Variants in GRM5 observed in about 807,000 individuals in gnomAD.
GRM5 encodes metabotropic glutamate receptor 5.
In GRM5, 19 loss-of-function variants were observed where a neutral mutation model predicts 83.1. That is an observed-to-expected ratio of 0.23 (90% confidence interval 0.16 to 0.34). The LOEUF is 0.34. Ranked by LOEUF, GRM5 falls within the 10% of genes least tolerant of loss-of-function variation. The probability of loss-of-function intolerance (pLI) is 1.00; values close to 1 mark genes in which losing one functional copy is unlikely to be tolerated. For synonymous variants in GRM5, 675 were observed against 633.6 expected, an observed-to-expected ratio of 1.07 and a Z score of -0.98; for missense variants, 1,160 against 1,588.3, an observed-to-expected ratio of 0.73 and a Z score of 4.58.
At chr11:88,902,693 C>T (rs1236393882) in intron 2 of GRM5, among the ~76,000 whole-genome samples, 2 of 151,982 alleles carry the variant, frequency 1.3e-5, no homozygotes, top group Non-Finnish European at 2.9e-5. Flanking sequence ...CAGTAGTTCA[C>T]GCCTGTAATC....
intron 3 of GRM5, among the ~76,000 whole-genome samples, chr11:88,755,009 T>C (rs1021823340): frequency 6.6e-6 from 1 of 152,162 alleles, no homozygotes. Context: ...CAGAGATATA[T>C]AGTCCCCACT....
intron 2 of GRM5, among the ~76,000 whole-genome samples, chr11:89,034,654 G>A (rs1234180029): frequency 6.6e-6 from 1 of 151,666 alleles, no homozygotes; most frequent in Admixed American, 6.6e-5. Context: ...ATTTATTTGT[G>A]GTAGTATCAC....
At chr11:88,950,437 TTC>T (rs1268249624) in intron 2 of GRM5, among the ~76,000 whole-genome samples, 8 of 151,796 alleles carry the variant, frequency 5.3e-5, no homozygotes, top group Non-Finnish European at 1.2e-4. Flanking sequence ...ACCAATGGTA[TTC>T]TCTGGGAAAA....
At chr11:88,920,488 A>T (rs1263691512) in intron 2 of GRM5, among the ~76,000 whole-genome samples, 1 of 151,794 alleles carries the variant, frequency 6.6e-6, no homozygotes, top group Non-Finnish European at 1.5e-5. Context: ...CCAAACACTT[A>T]TGAGGAACTA....
At chr11:88,569,952 G>T (rs553142963) in intron 7 of GRM5, among the ~76,000 whole-genome samples, 1 of 152,098 alleles carries the variant, frequency 6.6e-6, no homozygotes, top group Non-Finnish European at 1.5e-5. Flanking sequence ...AGTAATGACA[G>T]CAAGGAAGCA....
chr11:88,702,325 C>A (rs192521670), intron 3 of GRM5, among the ~76,000 whole-genome samples: 1 of 152,206 alleles, frequency 6.6e-6, no homozygotes, highest in Non-Finnish European at 1.5e-5. Context: ...GAAAGGTTAT[C>A]CAGCTCAAGA....
intron 3 of GRM5, among the ~76,000 whole-genome samples, chr11:88,765,913 G>A (rs1186924924): frequency 6.6e-6 from 1 of 151,722 alleles, no homozygotes; most frequent in Non-Finnish European, 1.5e-5. Context: ...GAAACACACA[G>A]AATGGGAGAA....
chr11:89,038,546 C>G (rs1941450009), intron 2 of GRM5, among the ~76,000 whole-genome samples: 1 of 152,200 alleles, frequency 6.6e-6, no homozygotes, highest in Non-Finnish European at 1.5e-5. Context: ...TTTCATCAGA[C>G]TCACAAAGAG....
At chr11:89,058,095 G>A (rs1941914763) in intron 1 of GRM5, among the ~76,000 whole-genome samples, 1 of 152,122 alleles carries the variant, frequency 6.6e-6, no homozygotes. Context: ...AAAAAAACAA[G>A]TGAATTGGTT....
At chr11:88,835,036 A>G (rs1944067603) in intron 3 of GRM5, among the ~76,000 whole-genome samples, 1 of 152,182 alleles carries the variant, frequency 6.6e-6, no homozygotes, top group African/African-American at 2.4e-5. Context: ...TAGGTATGAA[A>G]GGTATGAAGA....
At chr11:88,817,982 G>A (rs1479524663) in intron 3 of GRM5, among the ~76,000 whole-genome samples, 2 of 152,026 alleles carry the variant, frequency 1.3e-5, no homozygotes, top group East Asian at 1.9e-4. Context: ...GAAGCAGTAA[G>A]TACTCACAGA....
Position 88,508,696 on chromosome 11 carries a change from T to C in GRM5, c.3535A>G (p.Thr1179Ala). 6.2e-7 allele frequency: 1 copy of C among 1,604,266 alleles called. No individual in the cohort carries two copies. ...FRDSVDSGST[T>A]PNSPVSESAL... Reference sequence around the variant, plus strand: ...GACTCGGACACTGGCGAGTTGGGGGTTGTGCTCCCCGAGTCCACCGAGTCT... The same window carrying C: ...GACTCGGACACTGGCGAGTTGGGGGCTGTGCTCCCCGAGTCCACCGAGTCT... Residue 1179 changes from threonine to alanine, a missense_variant, in exon 10 of 10, where the codon ACC becomes GCC. Thr to Ala is a moderately conservative substitution (Grantham distance 58). Around this residue, in one of 9 missense-constraint regions of GRM5, gnomAD observed 562 missense variants for 532.4 expected, o/e 1.06. Transcript: ENST00000305447. The surrounding 1 kb of genome is among the most constrained non-coding windows in gnomAD (Gnocchi z 4.2).
At chr11:88,647,449 C>T (rs191343339) in intron 4 of GRM5, among the ~76,000 whole-genome samples, 8 of 152,120 alleles carry the variant, frequency 5.3e-5, no homozygotes, top group Admixed American at 3.9e-4. Context: ...ACCATTTTCT[C>T]CCATGATTCA....
intron 3 of GRM5, among the ~76,000 whole-genome samples, chr11:88,664,781 G>A (rs543094835): frequency 3.9e-5 from 6 of 152,102 alleles, no homozygotes; most frequent in African/African-American, 1.4e-4. Flanking sequence ...GGTATTATAA[G>A]TAATTTAGGG....
At chr11:88,944,556 G>C (rs1484840548) in intron 2 of GRM5, among the ~76,000 whole-genome samples, 1 of 151,188 alleles carries the variant, frequency 6.6e-6, no homozygotes, top group African/African-American at 2.4e-5. Context: ...CAAATTTCTG[G>C]TTTATGACTC....
In GRM5 at chr11:88,604,894, C is replaced by G; in HGVS notation, c.1218G>C (p.Ser406=). 1.2e-6 allele frequency: 2 copies of G among 1,612,922 alleles called. No homozygotes were observed. The highest frequency in any genetic ancestry group is 8.5e-7 in the Non-Finnish European group (1 of 1,178,952). ...KMGFVINAIY[S]MAYGLHNMQM... is the part of the protein sequence containing the mutation. ...GCATGTTGTGGAGCCCATAGGCCAT[C>G]GAATAGATGGCGTTGATCACAAATC... Residue 406 remains serine (S), a synonymous_variant, in exon 5 of 10, where the codon TCG becomes TCC. Transcript: ENST00000305447.
intron 3 of GRM5, among the ~76,000 whole-genome samples, chr11:88,783,043 CT>C (rs1253370345): frequency 1.3e-5 from 2 of 152,122 alleles, no homozygotes; most frequent in East Asian, 3.9e-4. Flanking sequence ...AGATCCAGAA[CT>C]AAAGTCCGCC....
intron 3 of GRM5, among the ~76,000 whole-genome samples, chr11:88,670,551 A>AAGGT (rs10679199): frequency 1.3e-5 from 2 of 151,864 alleles, no homozygotes; most frequent in Non-Finnish European, 2.9e-5. Context: ...GATAGGCAAA[A>AAGGT]AGTCTGAAAA....
At chr11:89,050,986 T>C (rs931942426) in intron 1 of GRM5, among the ~76,000 whole-genome samples, 2 of 152,118 alleles carry the variant, frequency 1.3e-5, no homozygotes, top group African/African-American at 4.8e-5. Context: ...TCAGGAAAGA[T>C]AACCGGTGAA....
Sources: allele counts gnomAD v4.1 joint callset (sites outside exome capture counted in the v4.1 genomes callset), GRCh38; gene constraint gnomAD v4.1.1; regional missense constraint gnomAD v4.1.1; non-coding constraint Gnocchi (gnomAD v3.1); transcripts MANE v1.5; gene names NCBI Gene and HGNC (gene_info 2026-07-23, HGNC 2026-07-21).